Variants in PROM1 observed in about 807,000 individuals in gnomAD.
PROM1 encodes the protein prominin-1.
Under a neutral mutation model 116.9 loss-of-function variants are expected in PROM1, and 105 were observed. That is an observed-to-expected ratio of 0.90 (90% CI 0.77 to 1.06). PROM1 has a LOEUF of 1.06. PROM1 is among the 50% of genes least tolerant of loss of function. The pLI, the probability that PROM1 is intolerant of heterozygous loss-of-function variation, is 0.00. For missense variants in PROM1, 1,122 were observed against 1,045.2 expected, an observed-to-expected ratio of 1.07 and a Z score of -1.01; for synonymous variants, 393 against 387.0, an observed-to-expected ratio of 1.02 and a Z score of -0.18.
chr4:16,023,246 CAAG>C, intron 8 of PROM1, 77 bp downstream of exon 8: 1 of 1,286,180 alleles, frequency 7.8e-7, no homozygotes, highest in Non-Finnish European at 1.1e-6. Context: ...TCTCAGGGAA[CAAG>C]AAAAGAGTGA....
At chr4:15,971,456 G>A (rs962273217) in intron 26 of PROM1, 3 of 174,512 alleles carry the variant, frequency 1.7e-5, no homozygotes, top group African/African-American at 7.1e-5. Context: ...TTCTAGGACA[G>A]AAGACAGAAG....
At chr4:16,013,546 C>T (rs1428619179) in intron 10 of PROM1, among the ~76,000 whole-genome samples, 1 of 152,096 alleles carries the variant, frequency 6.6e-6, no homozygotes, top group Non-Finnish European at 1.5e-5. Flanking sequence ...AATCAAAGGT[C>T]GTGTTAGAAG....
At chr4:15,970,453 G>GT (rs1560362921) in intron 27 of PROM1, among the ~76,000 whole-genome samples, 1 of 151,672 alleles carries the variant, frequency 6.6e-6, no homozygotes, top group Non-Finnish European at 1.5e-5. Context: ...GATTACAGGC[G>GT]TGAGCCACCG....
At chr4:15,975,093 A>G (rs1038978703) in intron 26 of PROM1, among the ~76,000 whole-genome samples, 5 of 152,214 alleles carry the variant, frequency 3.3e-5, no homozygotes, top group Non-Finnish European at 7.3e-5. Context: ...TGTTAAGGTA[A>G]TAAGAAAAGA....
intron 2 of PROM1, among the ~76,000 whole-genome samples, chr4:16,074,254 GAGAT>G (rs1000065807): frequency 2.7e-4 from 26 of 96,588 alleles, no homozygotes; most frequent in South Asian, 1.1e-3. Context: ...AATGTTTGAG[GAGAT>G]AGATACACCA....
chr4:16,043,221 C>A (rs529984016), intron 2 of PROM1, among the ~76,000 whole-genome samples: 2 of 152,322 alleles, frequency 1.3e-5, no homozygotes, highest in Admixed American at 1.3e-4. Context: ...ATCCACCCAA[C>A]CCCTATAACT....
rs567911366 is a variant in PROM1 at position 16,006,405 on chromosome 4, C to G, written c.1454+133G>C. ...AGGTCCCATCACAGCAGGATCTCTCCTCCTCGCGACCTGGGAGCTGGAACC... is the reference window on the plus strand; with the variant it reads ...AGGTCCCATCACAGCAGGATCTCTCGTCCTCGCGACCTGGGAGCTGGAACC... On this transcript the variant is annotated intron_variant, in intron 13 of 27. Coordinates refer to ENST00000447510, the MANE Select transcript of PROM1 (RefSeq NM_006017.3). 2.6e-5 allele frequency: 28 copies of G among 1,090,560 alleles called. No homozygotes were observed. The African/African-American group carries it at 4.1e-4, about 16-fold the overall frequency. 67.6% of individuals were successfully genotyped at this position (1,090,560 alleles called of 1,614,324 possible).
intron 7 of PROM1, 98 bp downstream of exon 7, chr4:16,024,197 C>T: frequency 1.9e-6 from 2 of 1,072,376 alleles, no homozygotes; most frequent in Non-Finnish European, 2.8e-6. Flanking sequence ...TTTCTGTCTT[C>T]CCCCAACTTT....
intron 2 of PROM1, among the ~76,000 whole-genome samples, chr4:16,074,753 G>A (rs1177547040): frequency 6.6e-6 from 1 of 152,160 alleles, no homozygotes. Flanking sequence ...ATAAACATGT[G>A]ATGATATTCA....
chr4:16,050,994 A>C (rs1052752248), intron 2 of PROM1, among the ~76,000 whole-genome samples: 1 of 152,238 alleles, frequency 6.6e-6, no homozygotes, highest in Non-Finnish European at 1.5e-5. Context: ...AACAAAATAA[A>C]GTAGGTGTGC....
chr4:16,069,174 G>A (rs1742246327), intron 2 of PROM1, among the ~76,000 whole-genome samples: 11 of 152,226 alleles, frequency 7.2e-5, no homozygotes, highest in Admixed American at 7.2e-4. Context: ...GGCAGAGGTT[G>A]CAGTGAGCCG....
intron 8 of PROM1, among the ~76,000 whole-genome samples, chr4:16,021,640 T>C (rs565871033): frequency 6.6e-6 from 1 of 152,336 alleles, no homozygotes; most frequent in African/African-American, 2.4e-5. Flanking sequence ...CCTGGCATCA[T>C]CTGGGGCCAT....
intron 26 of PROM1, among the ~76,000 whole-genome samples, chr4:15,972,938 C>T (rs1714986933): frequency 6.6e-6 from 1 of 152,038 alleles, no homozygotes; most frequent in Non-Finnish European, 1.5e-5. Flanking sequence ...GAGGTGGAAT[C>T]TGTTTGTCAA....
Position 16,082,669 on chromosome 4 carries a change from G to A in PROM1, c.-213+1309C>T, listed in dbSNP as rs574368704. ...CAGGAATTCGCAGCCGCGCAGGGGA[G>A]GGGGTTGCCGGAGTAACTTGGCTGC... is the stretch of plus-strand genomic sequence containing the variant. On this transcript the variant is annotated intron_variant, in intron 1 of 27. Coordinates refer to ENST00000447510, the MANE Select transcript of PROM1 (RefSeq NM_006017.3). 7.9e-5 allele frequency: 12 copies of A among 152,348 alleles called. No homozygotes were observed. In the East Asian group the frequency reaches 2.3e-3, roughly 30 times the overall value. 9.4% of individuals were successfully genotyped at this position (152,348 alleles called of 1,614,324 possible).
At chr4:16,057,413 C>A (rs1739303176) in intron 2 of PROM1, among the ~76,000 whole-genome samples, 1 of 152,210 alleles carries the variant, frequency 6.6e-6, no homozygotes, top group African/African-American at 2.4e-5. Flanking sequence ...TGAAACATTT[C>A]AAATCATAAT....
chr4:16,073,932 T>C (rs1365286477), intron 2 of PROM1, among the ~76,000 whole-genome samples: 1 of 152,046 alleles, frequency 6.6e-6, no homozygotes, highest in Non-Finnish European at 1.5e-5. Flanking sequence ...GGGACCAAAA[T>C]AGAGCAACAT....
At chr4:16,003,739 C>T (rs1386359923) in intron 13 of PROM1, among the ~76,000 whole-genome samples, 3 of 152,112 alleles carry the variant, frequency 2.0e-5, no homozygotes, top group African/African-American at 7.2e-5. Flanking sequence ...TCTCTTGAGA[C>T]CAGGAATTCA....
intron 2 of PROM1, among the ~76,000 whole-genome samples, chr4:16,045,205 A>G (rs1560563066): frequency 2.0e-5 from 3 of 152,124 alleles, no homozygotes; most frequent in Non-Finnish European, 2.9e-5. Flanking sequence ...TGCAGCTAAG[A>G]GGGACCAGGG....
chr4:16,013,794 G>C (rs1182947000), intron 10 of PROM1, among the ~76,000 whole-genome samples: 2 of 151,988 alleles, frequency 1.3e-5, no homozygotes, highest in African/African-American at 4.8e-5. Context: ...GCACAGGAGA[G>C]CCCCCGCCGC....
Sources: allele counts gnomAD v4.1 joint callset (sites outside exome capture counted in the v4.1 genomes callset), GRCh38; gene constraint gnomAD v4.1.1; transcripts MANE v1.5; gene names NCBI Gene and HGNC (gene_info 2026-07-23, HGNC 2026-07-21).